Variants in BCL2L13 observed in about 807,000 individuals in gnomAD.
The protein encoded by BCL2L13 is bcl-2-like protein 13.
In BCL2L13, 13 loss-of-function variants were observed where a neutral mutation model predicts 25.8. The observed-to-expected ratio is 0.50, with a 90% CI of 0.33 to 0.80. The LOEUF (loss-of-function observed/expected upper bound fraction) is 0.80. Among genes scored for constraint, BCL2L13 ranks in the 30% least tolerant of loss-of-function variants. The pLI, the probability that BCL2L13 is intolerant of heterozygous loss-of-function variation, is 0.02. For missense variants in BCL2L13, 504 were observed against 574.9 expected (o/e 0.88, Z 1.26); for synonymous variants, 244 against 230.3 (o/e 1.06, Z -0.54).
At position 17,717,396 on chromosome 22, in the gene BCL2L13, T is replaced by C. The variant is rs192555077; in HGVS notation, c.601-9281T>C. ...ACTCTGTCTCAAAAAAGATCCAATG[T>C]TGTTGTTCCCTCTTCCGTGAATCTC... is the stretch of plus-strand genomic sequence containing the variant. On this transcript the variant is annotated intron_variant, in intron 6 of 6. Coordinates refer to ENST00000317582, the MANE Select transcript of BCL2L13 (RefSeq NM_015367.4). Among the ~76,000 whole-genome samples, 745 of 105,574 alleles carry C rather than the reference T, an allele frequency of 7.1e-3. 15 individuals carry two copies. Among genetic ancestry groups the C allele is most frequent in the African/African-American group, 0.027 (644 of 24,288 alleles). The allele number at this position is 105,574 out of a possible 152,430, so 69.3% of individuals were successfully genotyped here.
At chr22:17,704,962 C>T (rs552131336) in intron 6 of BCL2L13, among the ~76,000 whole-genome samples, 1 of 150,314 alleles carries the variant, frequency 6.7e-6, no homozygotes, top group Admixed American at 6.6e-5. Context: ...TTAAAAATAC[C>T]CAGTGCTCAG....
At chr22:17,657,337 T>C (rs2058906364) in intron 2 of BCL2L13, among the ~76,000 whole-genome samples, 1 of 149,356 alleles carries the variant, frequency 6.7e-6, no homozygotes, top group African/African-American at 2.5e-5. Context: ...TTATTTAATA[T>C]TTTATCTTTG....
At chr22:17,646,517 G>A (rs1335276079) in intron 1 of BCL2L13, among the ~76,000 whole-genome samples, 5 of 150,996 alleles carry the variant, frequency 3.3e-5, no homozygotes, top group Non-Finnish European at 7.4e-5. Context: ...CCAAAGTGCT[G>A]GGATTACAGG....
intron 3 of BCL2L13, among the ~76,000 whole-genome samples, chr22:17,688,114 C>T (rs1014200866): frequency 6.6e-6 from 1 of 152,184 alleles, no homozygotes; most frequent in African/African-American, 2.4e-5. Context: ...CCACCGCGCC[C>T]GGCCTTAATA....
chr22:17,655,313 T>C (rs1319559929), intron 1 of BCL2L13, among the ~76,000 whole-genome samples: 1 of 151,646 alleles, frequency 6.6e-6, no homozygotes, highest in East Asian at 1.9e-4. Context: ...TTTTTTTTTT[T>C]TTAAATAAGC....
At chr22:17,696,507 T>C (rs1284686728) in intron 5 of BCL2L13, among the ~76,000 whole-genome samples, 1 of 152,186 alleles carries the variant, frequency 6.6e-6, no homozygotes, top group Non-Finnish European at 1.5e-5. Flanking sequence ...TATATATTTA[T>C]TAACATGTGA....
At chr22:17,712,556 G>A (rs541626878) in intron 6 of BCL2L13, among the ~76,000 whole-genome samples, 1 of 152,274 alleles carries the variant, frequency 6.6e-6, no homozygotes, top group South Asian at 2.1e-4. Flanking sequence ...CAAAATGGAG[G>A]TTTTTGAAGA....
intron 1 of BCL2L13, among the ~76,000 whole-genome samples, chr22:17,632,752 C>CTTTT (rs67358246): frequency 1.4e-4 from 17 of 124,374 alleles, no homozygotes; most frequent in Admixed American, 2.5e-4. Flanking sequence ...GATTCTTCTT[C>CTTTT]TTTTTTTTTT....
At chr22:17,631,706 A>T (rs1370542728) in intron 1 of BCL2L13, among the ~76,000 whole-genome samples, 280 of 10,872 alleles carry the variant, frequency 0.026, 6 homozygotes, top group Middle Eastern at 0.17. Flanking sequence ...ATATATATAT[A>T]TTTTTTTTTT....
intron 1 of BCL2L13, among the ~76,000 whole-genome samples, chr22:17,646,082 T>G (rs1433413440): frequency 6.6e-6 from 1 of 151,490 alleles, no homozygotes; most frequent in African/African-American, 2.5e-5. Context: ...ATCTGAGGAT[T>G]TTGGTATCCA....
chr22:17,710,597 A>G (rs1327105254), intron 6 of BCL2L13, among the ~76,000 whole-genome samples: 1 of 151,190 alleles, frequency 6.6e-6, no homozygotes, highest in Non-Finnish European at 1.5e-5. Flanking sequence ...AGTAAATAAA[A>G]ATAAAAAATA....
chr22:17,685,407 A>G (rs1322503500), intron 3 of BCL2L13, among the ~76,000 whole-genome samples: 2 of 151,258 alleles, frequency 1.3e-5, no homozygotes, highest in Non-Finnish European at 2.9e-5. Context: ...TGTTTTTAGT[A>G]GAGACGGGGT....
At chr22:17,713,624 G>C (rs1461701322) in intron 6 of BCL2L13, among the ~76,000 whole-genome samples, 1 of 151,694 alleles carries the variant, frequency 6.6e-6, no homozygotes. Context: ...ACCACACCCA[G>C]CTAATTTTTG....
chr22:17,631,660 GTGTGTGTGTGTATATATATA>G lies in BCL2L13; in HGVS notation c.-650+2657_-650+2676del, dbSNP rs1440355426. ...AGGAATGGTACGTGTGTGTATGTAT[GTGTGTGTGTGTATATATATA>G]TATATATATATATATATATATATAT... is the stretch of plus-strand genomic sequence containing the variant. On this transcript the variant is annotated intron_variant, in intron 1 of 6. Transcript: ENST00000399782. Among the ~76,000 whole-genome samples the G allele has an allele frequency of 1.6e-3, 10 of 6,388 alleles. 1 individual carries two copies. The highest frequency in any genetic ancestry group is 9.1e-3 in the African/African-American group (10 of 1,100). The allele number at this position is 6,388 out of a possible 152,430, so 4.2% of individuals were successfully genotyped here. A position where few individuals can be genotyped will look rare whatever the true frequency, so the allele number is the denominator to read the frequency against.
chr22:17,689,079 G>T lies in BCL2L13; in HGVS notation c.323G>T (p.Gly108Val). ...ATGGAAGACTGCTTGGCCCATCTTGGAGAAAAAGTGTCCCAGGAACTGAAA... is the reference window on the plus strand; with the variant it reads ...ATGGAAGACTGCTTGGCCCATCTTGTAGAAAAAGTGTCCCAGGAACTGAAA... ...SSMEDCLAHL[G>V]EKVSQELKEP... The change falls in exon 4 of 7, where the codon GGA (glycine) becomes GTA (valine). Residue 108 changes from glycine to valine, a missense_variant. Gly to Val is a moderately radical substitution (Grantham distance 109, BLOSUM62 -3). Coordinates refer to ENST00000317582, the MANE Select transcript of BCL2L13 (RefSeq NM_015367.4). The T allele has an allele frequency of 6.2e-7, 1 of 1,614,120 alleles. No homozygotes were observed. The highest frequency in any genetic ancestry group is 8.5e-7 in the Non-Finnish European group (1 of 1,180,016).
chr22:17,689,165 A>G (rs755506472), intron 4 of BCL2L13, 23 bp downstream of exon 4: 9 of 1,610,910 alleles, frequency 5.6e-6, no homozygotes, highest in South Asian at 4.4e-5. Flanking sequence ...GCTGAGTGGG[A>G]TGTGCTTCTT....
Position 17,689,146 on chromosome 22 carries a change from A to G in BCL2L13, c.386+4A>G. The G allele has an allele frequency of 6.2e-7, 1 of 1,613,642 alleles. No homozygotes were observed. The highest frequency in any genetic ancestry group is 8.5e-7 in the Non-Finnish European group (1 of 1,179,744). Reference sequence around the variant, plus strand: ...CATTGCAAATGCTCCTGAGCCAGTGAGTTACACTGCTGAGTGGGATGTGCT... The same window carrying G: ...CATTGCAAATGCTCCTGAGCCAGTGGGTTACACTGCTGAGTGGGATGTGCT... On this transcript the variant is annotated splice_donor_region_variant and intron_variant, in intron 4 of 6. Coordinates refer to ENST00000317582, the MANE Select transcript of BCL2L13 (RefSeq NM_015367.4).
At chr22:17,661,441 G>T (rs1254966593) in intron 2 of BCL2L13, among the ~76,000 whole-genome samples, 4 of 145,894 alleles carry the variant, frequency 2.7e-5, no homozygotes, top group African/African-American at 9.7e-5. Context: ...AGCTAGTGTT[G>T]TAAACTTTTC....
chr22:17,724,667 G>C (rs951282560), intron 6 of BCL2L13, among the ~76,000 whole-genome samples: 5 of 152,200 alleles, frequency 3.3e-5, no homozygotes, highest in African/African-American at 1.2e-4. Flanking sequence ...GGTTTTGGTT[G>C]AAGAATGAAA....
Sources: allele counts gnomAD v4.1 joint callset (sites outside exome capture counted in the v4.1 genomes callset), GRCh38; gene constraint gnomAD v4.1.1; transcripts MANE v1.5; gene names NCBI Gene and HGNC (gene_info 2026-07-23, HGNC 2026-07-21).